The following CDC42SE2 variants were observed in gnomAD, a reference collection of about 807,000 sequenced individuals.
CDC42SE2 encodes CDC42 small effector 2.
Under a neutral mutation model 11.5 loss-of-function variants are expected in CDC42SE2, and 3 were observed. The ratio of observed to expected loss-of-function variants is 0.26; its 90% CI spans 0.12 to 0.67. The LOEUF (loss-of-function observed/expected upper bound fraction) is 0.67. Among genes scored for constraint, CDC42SE2 ranks in the 30% least tolerant of loss-of-function variants. The pLI, the probability that CDC42SE2 is intolerant of heterozygous loss-of-function variation, is 0.80. For missense variants in CDC42SE2, 82 were observed against 106.8 expected, an observed-to-expected ratio of 0.77 and a Z score of 1.02; for synonymous variants, 33 against 34.8, an observed-to-expected ratio of 0.95 and a Z score of 0.18.
chr5:131,244,570 G>A (rs2149681492), upstream of CDC42SE2, among the ~76,000 whole-genome samples: 1 of 152,260 alleles, frequency 6.6e-6, no homozygotes, highest in East Asian at 1.9e-4. Context: ...AATTAGCTGG[G>A]CATGGTGGCA....
chr5:131,258,061 C>T lies in CDC42SE2; in HGVS notation n.242+2832C>T, dbSNP rs146590232. On this transcript the variant is annotated intron_variant and non_coding_transcript_variant, in intron 2 of 3. Transcript: ENST00000502840. ...TCCCTCTTGTTATCTGCCTTTTGGA[C>T]TTCATCTTTCCCCACTCTTGTATGC... is the stretch of plus-strand genomic sequence containing the variant. Among the ~76,000 whole-genome samples, 555 of 152,242 alleles carry T rather than the reference C, an allele frequency of 3.6e-3. 1 individual carries two copies. The highest frequency in any genetic ancestry group is 0.017 in the Middle Eastern group (5 of 294).
chr5:131,276,772 G>C (rs1757111243), intron 1 of CDC42SE2, among the ~76,000 whole-genome samples: 1 of 151,150 alleles, frequency 6.6e-6, no homozygotes, highest in African/African-American at 2.4e-5. Context: ...CTGTCACCCA[G>C]GTGGGAATGT....
At chr5:131,288,702 C>T (rs1757391194) in intron 1 of CDC42SE2, among the ~76,000 whole-genome samples, 1 of 152,170 alleles carries the variant, frequency 6.6e-6, no homozygotes, top group African/African-American at 2.4e-5. Flanking sequence ...GGATTTTTAG[C>T]TTCTGGTACC....
At chr5:131,288,396 A>G (rs1190105449) in intron 1 of CDC42SE2, among the ~76,000 whole-genome samples, 2 of 152,112 alleles carry the variant, frequency 1.3e-5, no homozygotes, top group Non-Finnish European at 2.9e-5. Flanking sequence ...AGATATTTCT[A>G]CCTCCCAAGT....
chr5:131,331,737 T>C (rs186487168), intron 2 of CDC42SE2, among the ~76,000 whole-genome samples: 68 of 152,314 alleles, frequency 4.5e-4, no homozygotes, highest in Middle Eastern at 6.8e-3. Flanking sequence ...TGTAGGTTTA[T>C]GGACCAGAAA....
At chr5:131,236,995 C>G in the CDC42SE2 span, among the ~76,000 whole-genome samples, 26 of 152,282 alleles carry the variant, frequency 1.7e-4, no homozygotes, top group African/African-American at 5.5e-4. Flanking sequence ...TTTTTCCCAA[C>G]TATTCTGGCT....
At chr5:131,269,349 A>G (rs950876051) in intron 1 of CDC42SE2, among the ~76,000 whole-genome samples, 6 of 152,208 alleles carry the variant, frequency 3.9e-5, no homozygotes, top group African/African-American at 1.4e-4. Flanking sequence ...TATTAAATCT[A>G]GGTACCTTTG....
intron 2 of CDC42SE2, among the ~76,000 whole-genome samples, chr5:131,257,556 C>A (rs548079188): frequency 6.6e-6 from 1 of 151,514 alleles, no homozygotes; most frequent in South Asian, 2.1e-4. Flanking sequence ...TGGCTCACTG[C>A]AACCTCTGCC....
rs1018325363 is a variant in CDC42SE2 at position 131,304,387 on chromosome 5, A to G, written c.-454-11589A>G. On this transcript the variant is annotated intron_variant, in intron 1 of 4. Coordinates refer to ENST00000505065, the MANE Select transcript of CDC42SE2 (RefSeq NM_001375635.1). ...GATAGGGATAGAGGTGGCATTTAAT[A>G]TGATACAAAAAGCACCAAGGCATAC... Among the ~76,000 whole-genome samples the G allele has an allele frequency of 2.6e-5, 4 of 152,288 alleles. No homozygotes were observed. In the East Asian group the frequency reaches 5.8e-4, roughly 22 times the overall value.
chr5:131,372,278 A>C (rs987297887), intron 3 of CDC42SE2, among the ~76,000 whole-genome samples: 2 of 152,176 alleles, frequency 1.3e-5, no homozygotes, highest in African/African-American at 4.8e-5. Flanking sequence ...TGACAGATAA[A>C]ATTTTTAAGA....
chr5:131,386,061 T>G (rs1750474003), intron 4 of CDC42SE2, among the ~76,000 whole-genome samples: 1 of 152,238 alleles, frequency 6.6e-6, no homozygotes, highest in Admixed American at 6.5e-5. Flanking sequence ...ATTGCTTTAC[T>G]TTATAAACCA....
At chr5:131,248,284 C>T (rs1024507326) in intron 1 of CDC42SE2, among the ~76,000 whole-genome samples, 6 of 152,032 alleles carry the variant, frequency 3.9e-5, no homozygotes, top group African/African-American at 1.4e-4. Flanking sequence ...GGACTGCAGG[C>T]GCATGCCACC....
chr5:131,258,387 A>G (rs183546020), intron 2 of CDC42SE2, among the ~76,000 whole-genome samples: 26 of 152,184 alleles, frequency 1.7e-4, no homozygotes, highest in African/African-American at 6.0e-4. Context: ...CCATATATAG[A>G]TGTTAGCTGT....
intron 1 of CDC42SE2, among the ~76,000 whole-genome samples, chr5:131,294,108 T>TG (rs1757520233): frequency 6.6e-6 from 1 of 152,172 alleles, no homozygotes; most frequent in African/African-American, 2.4e-5. Context: ...CATACAAGGA[T>TG]GCAGAGTCAA....
chr5:131,345,070 A>T (rs559021595), intron 2 of CDC42SE2, among the ~76,000 whole-genome samples: 1 of 152,338 alleles, frequency 6.6e-6, no homozygotes, highest in East Asian at 1.9e-4. Flanking sequence ...AAATCTGAAA[A>T]TTCTAAAAAT....
chr5:131,373,661 G>T (rs1288479054), intron 3 of CDC42SE2, among the ~76,000 whole-genome samples: 1 of 152,134 alleles, frequency 6.6e-6, no homozygotes, highest in East Asian at 1.9e-4. Flanking sequence ...TAAAAGGAAT[G>T]AACTGAATAA....
chr5:131,331,383 T>C (rs549671392), intron 2 of CDC42SE2, among the ~76,000 whole-genome samples: 1 of 152,240 alleles, frequency 6.6e-6, no homozygotes, highest in African/African-American at 2.4e-5. Flanking sequence ...TAAAATAACA[T>C]TGAAATAGAT....
chr5:131,384,277 A>G (rs1460185238), intron 3 of CDC42SE2, among the ~76,000 whole-genome samples: 1 of 152,216 alleles, frequency 6.6e-6, no homozygotes, highest in African/African-American at 2.4e-5. Context: ...TCTAAAATAT[A>G]TGCATGGGCT....
chr5:131,276,794 T>G (rs138263873), intron 1 of CDC42SE2, among the ~76,000 whole-genome samples: 1 of 152,160 alleles, frequency 6.6e-6, no homozygotes, highest in African/African-American at 2.4e-5. Flanking sequence ...GTGGTGCAAT[T>G]TTGGTTCACT....
Sources: gnomAD v4.1 joint callset for allele counts (sites outside exome capture counted in the v4.1 genomes callset) on GRCh38, gnomAD v4.1.1 for gene constraint, MANE v1.5 for transcripts, NCBI Gene and HGNC (gene_info 2026-07-23, HGNC 2026-07-21) for gene names.